The following ZFHX4 variants were observed in gnomAD, a reference collection of about 807,000 sequenced individuals.
ZFHX4 encodes zinc finger homeobox protein 4.
In ZFHX4, 56 loss-of-function variants were observed where a neutral mutation model predicts 267.6. The observed-to-expected ratio is 0.21, with a 90% CI of 0.17 to 0.26. The LOEUF is 0.26. ZFHX4 is among the 10% of genes least tolerant of loss of function. ZFHX4 has a pLI of 1.00. For missense variants in ZFHX4, 4,332 were observed against 4,420.0 expected (o/e 0.98, Z 0.56); for synonymous variants, 1,778 against 1,665.6 (o/e 1.07, Z -1.64).
At chr8:76,687,545 G>A (rs1807722032) in intron 1 of ZFHX4, among the ~76,000 whole-genome samples, 1 of 152,150 alleles carries the variant, frequency 6.6e-6, no homozygotes, top group Admixed American at 6.5e-5. Context: ...ATCTGTAAAA[G>A]GAAGGTCACT....
Position 76,849,027 on chromosome 8 carries a change from A to C in ZFHX4, c.3544A>C (p.Ser1182Arg), listed in dbSNP as rs1250435052. 1 of 1,556,614 alleles carries C rather than the reference A, an allele frequency of 6.4e-7. No homozygotes were observed. The highest frequency in any genetic ancestry group is 2.4e-5 in the East Asian group (1 of 41,448). ...IITPEKELKV[S>R]VAGGTQPLLL... ...CACACCAGAGAAGGAACTAAAAGTT[A>C]GTGTGGCAGGGGGTACCCAGCCACT... is the stretch of plus-strand genomic sequence containing the variant. Residue 1182 changes from serine to arginine, a missense_variant, in exon 7 of 11, where the codon AGT (serine) becomes CGT (arginine). This residue lies in a region of ZFHX4 where 1,371 missense variants were observed against 1,423.1 expected (regional missense o/e 0.96). Transcript: ENST00000651372.
rs1169861698 is a variant in ZFHX4, at chr8:76,849,505, T to A, written c.3646-7T>A. The A allele has an allele frequency of 6.2e-7, 1 of 1,609,130 alleles. No homozygotes were observed. The highest frequency in any genetic ancestry group is 8.5e-7 in the Non-Finnish European group (1 of 1,175,532). ...AATAGTGGCCATGTTTATTCAATAT[T>A]TTCCAGTTCTATCAATGTCCTTATT... On this transcript the variant is annotated splice_polypyrimidine_tract_variant and splice_region_variant and intron_variant, in intron 7 of 10. Coordinates refer to ENST00000651372, the MANE Select transcript of ZFHX4 (RefSeq NM_024721.5).
intron 3 of ZFHX4, among the ~76,000 whole-genome samples, chr8:76,717,511 G>C (rs150180724): frequency 1.6e-4 from 24 of 152,324 alleles, no homozygotes; most frequent in Non-Finnish European, 2.8e-4. Context: ...AAGAATAGTT[G>C]TAGCTTGGCA....
intron 4 of ZFHX4, among the ~76,000 whole-genome samples, chr8:76,800,128 A>C (rs1179594905): frequency 1.3e-5 from 2 of 152,060 alleles, no homozygotes; most frequent in African/African-American, 4.8e-5. Context: ...GGCTCCTCCC[A>C]AAAGGTACAA....
Position 76,706,331 on chromosome 8 carries a change from C to T in ZFHX4, c.2243C>T (p.Thr748Ile), listed in dbSNP as rs1808270566. The T allele has an allele frequency of 1.9e-6, 3 of 1,614,008 alleles. No individual in the cohort carries two copies. The highest frequency in any genetic ancestry group is 1.3e-5 in the African/African-American group (1 of 74,926). The change falls in exon 2 of 11, where the codon ACC (threonine) becomes ATC (isoleucine). Residue 748 changes from threonine (T) to isoleucine (I), a missense_variant. Thr to Ile is a moderately conservative substitution (Grantham distance 89). Transcript: ENST00000651372. The stretch of plus-strand genomic sequence containing the variant: ...GGCCACTCTGCCCCAGCCCCCAACA[C>T]CAGCCTCAGTGGCTGCGGAACACCC... ...VFGHSAPAPNTSLSGCGTPSP... is the reference protein window; with the variant it reads ...VFGHSAPAPNISLSGCGTPSP...
intron 5 of ZFHX4, among the ~76,000 whole-genome samples, chr8:76,841,574 A>G (rs1156502431): frequency 6.6e-6 from 1 of 152,180 alleles, no homozygotes; most frequent in Non-Finnish European, 1.5e-5. Context: ...CAAATAGAAG[A>G]GTGTATGCAA....
At position 76,825,226 on chromosome 8, in the gene ZFHX4, C is replaced by T. The variant is rs140168597; in HGVS notation, c.3326-8112C>T. 4.4e-3 allele frequency among the ~76,000 whole-genome samples: 666 copies of T among 152,340 alleles called. 13 individuals are homozygous for T. The highest frequency in any genetic ancestry group is 0.015 in the African/African-American group (618 of 41,576). On this transcript the variant is annotated intron_variant, in intron 4 of 10. Coordinates refer to ENST00000651372, the MANE Select transcript of ZFHX4 (RefSeq NM_024721.5). ...GAATTATGCATAAGTACAACTACTA[C>T]TTATTCAATACTACACACTTTGTAT... is the stretch of plus-strand genomic sequence containing the variant.
At chr8:76,685,230 G>A (rs1031583769) in intron 1 of ZFHX4, among the ~76,000 whole-genome samples, 4 of 152,206 alleles carry the variant, frequency 2.6e-5, no homozygotes, top group Non-Finnish European at 5.9e-5. Context: ...TCGACAATGT[G>A]TCATTTCCAC....
chr8:76,830,144 C>A (rs939871138), intron 4 of ZFHX4, among the ~76,000 whole-genome samples: 4 of 152,086 alleles, frequency 2.6e-5, no homozygotes, highest in African/African-American at 9.7e-5. Flanking sequence ...TGGCACAGAG[C>A]AGATATTCTG....
intron 4 of ZFHX4, among the ~76,000 whole-genome samples, chr8:76,784,003 T>C (rs117611509): frequency 0.024 from 3,651 of 152,116 alleles, 61 homozygotes; most frequent in Middle Eastern, 0.051. Context: ...ACAATGATGG[T>C]AATCCAGCTT....
At chr8:76,695,527 T>C (rs1432867345) in intron 1 of ZFHX4, among the ~76,000 whole-genome samples, 4 of 152,244 alleles carry the variant, frequency 2.6e-5, no homozygotes, top group Non-Finnish European at 4.4e-5. Flanking sequence ...TTGTTGAATT[T>C]ACACAAAACC....
At chr8:76,722,080 T>C (rs1423457076) in intron 3 of ZFHX4, among the ~76,000 whole-genome samples, 1 of 152,114 alleles carries the variant, frequency 6.6e-6, no homozygotes, top group Non-Finnish European at 1.5e-5. Context: ...AAACAGTTAC[T>C]AATGTTTCTT....
intron 3 of ZFHX4, among the ~76,000 whole-genome samples, chr8:76,749,166 C>T (rs1222767816): frequency 6.6e-6 from 1 of 152,146 alleles, no homozygotes; most frequent in African/African-American, 2.4e-5. Context: ...CATGGTGTTC[C>T]ATGACTATTC....
chr8:76,798,367 T>C (rs1811036444), intron 4 of ZFHX4, among the ~76,000 whole-genome samples: 2 of 152,196 alleles, frequency 1.3e-5, no homozygotes, highest in Non-Finnish European at 2.9e-5. Context: ...ACCTCACTAA[T>C]GTATGTAAAT....
chr8:76,701,286 T>G (rs1280244059), intron 1 of ZFHX4, among the ~76,000 whole-genome samples: 1 of 152,114 alleles, frequency 6.6e-6, no homozygotes, highest in Non-Finnish European at 1.5e-5. Context: ...TAGGATGAAA[T>G]GTAAATTTGA....
chr8:76,776,027 G>C (rs1473073572), intron 3 of ZFHX4, among the ~76,000 whole-genome samples: 1 of 151,798 alleles, frequency 6.6e-6, no homozygotes, highest in Non-Finnish European at 1.5e-5. Context: ...TCTAGACAGT[G>C]CAGATTTGAG....
At chr8:76,818,664 C>T (rs1449677504) in intron 4 of ZFHX4, among the ~76,000 whole-genome samples, 1 of 152,068 alleles carries the variant, frequency 6.6e-6, no homozygotes, top group Non-Finnish European at 1.5e-5. Context: ...ATAATGCCAG[C>T]ACTTTGGGAG....
intron 4 of ZFHX4, among the ~76,000 whole-genome samples, chr8:76,813,340 A>C (rs762525532): frequency 9.9e-5 from 15 of 152,158 alleles, no homozygotes; most frequent in Non-Finnish European, 1.9e-4. Context: ...CAAGTTTATT[A>C]TAAGAAGAAA....
In ZFHX4 at chr8:76,863,689, C is replaced by T. The variant is rs754520361; in HGVS notation, c.9975C>T (p.Asn3325=). 12 of 1,591,406 alleles carry T rather than the reference C, an allele frequency of 7.5e-6. No individual in the cohort carries two copies. The highest frequency in any genetic ancestry group is 2.2e-5 in the South Asian group (2 of 89,152). Residue 3325 remains asparagine (N), a synonymous_variant, in exon 11 of 11, where the codon AAC becomes AAT. Transcript: ENST00000651372. ...AGCAGTACCAACAGTATCAGCAGAA[C>T]CTGCAGGAGTCCCTGCAAAAGCAGC... ...LLQQYQQYQQ[N]LQESLQKQQK...
Sources: allele counts gnomAD v4.1 joint callset (sites outside exome capture counted in the v4.1 genomes callset), GRCh38; gene constraint gnomAD v4.1.1; regional missense constraint gnomAD v4.1.1; transcripts MANE v1.5; gene names NCBI Gene and HGNC (gene_info 2026-07-23, HGNC 2026-07-21).